The following SGCZ variants were observed in gnomAD, a reference collection of about 807,000 sequenced individuals.
The protein encoded by SGCZ is sarcoglycan zeta, also known as zeta-sarcoglycan.
In SGCZ, 40 loss-of-function variants were observed where a neutral mutation model predicts 41.3. That is an observed-to-expected ratio of 0.97 (90% CI 0.75 to 1.26). SGCZ has a LOEUF of 1.26. Ranked by LOEUF, SGCZ falls within the 50% of genes most tolerant of loss-of-function variation. The pLI is 0.00. For synonymous variants in SGCZ, 206 were observed against 137.5 expected, an observed-to-expected ratio of 1.50 and a Z score of -3.49; for missense variants, 552 against 369.8, an observed-to-expected ratio of 1.49 and a Z score of -4.04.
intron 1 of SGCZ, among the ~76,000 whole-genome samples, chr8:14,913,342 T>C (rs565532353): frequency 6.6e-6 from 1 of 152,084 alleles, no homozygotes; most frequent in African/African-American, 2.4e-5. Context: ...CAACACTGTC[T>C]TAATTGTGCT....
At position 14,727,559 on chromosome 8, in the gene SGCZ, A is replaced by G. The variant is rs149737497; in HGVS notation, c.40-172633T>C. On this transcript the variant is annotated intron_variant, in intron 1 of 7. Coordinates refer to ENST00000382080, the MANE Select transcript of SGCZ (RefSeq NM_139167.4). The stretch of plus-strand genomic sequence containing the variant: ...GGAGTCTCACTCTGTTGCCCAGGCT[A>G]GAGTGCAGTGGCCAGATCTGAGCTC... Among the ~76,000 whole-genome samples the G allele has an allele frequency of 3.5e-3, 534 of 150,592 alleles. 2 individuals carry two copies. Among genetic ancestry groups the G allele is most frequent in the Non-Finnish European group, 5.9e-3 (398 of 67,768 alleles).
At chr8:14,171,136 A>T (rs13260343) in intron 4 of SGCZ, among the ~76,000 whole-genome samples, 2 of 130,808 alleles carry the variant, frequency 1.5e-5, no homozygotes. Context: ...TTTATTTCTA[A>T]TATGTGTTTC....
chr8:14,359,985 A>G (rs1222921077), intron 2 of SGCZ, among the ~76,000 whole-genome samples: 1 of 152,194 alleles, frequency 6.6e-6, no homozygotes, highest in Non-Finnish European at 1.5e-5. Context: ...GTGATATATC[A>G]TATCAACAGA....
chr8:14,509,685 C>T (rs1309386284), intron 2 of SGCZ, among the ~76,000 whole-genome samples: 1 of 152,118 alleles, frequency 6.6e-6, no homozygotes, highest in Non-Finnish European at 1.5e-5. Context: ...TATTTGTCCA[C>T]TTTCACACTG....
At chr8:14,386,357 A>G (rs917882973) in intron 2 of SGCZ, among the ~76,000 whole-genome samples, 4 of 152,166 alleles carry the variant, frequency 2.6e-5, no homozygotes, top group Admixed American at 6.5e-5. Context: ...AGAAATACAC[A>G]TAAAACTGGT....
At position 14,090,902 on chromosome 8, in the gene SGCZ, C is replaced by G. The variant is rs62490766; in HGVS notation, c.745-265G>C. On this transcript the variant is annotated intron_variant, in intron 7 of 7. Coordinates refer to ENST00000382080, the MANE Select transcript of SGCZ (RefSeq NM_139167.4). ...ACATCATACAATACGCTTAAGGGGC[C>G]AACCCAGTTACTTAAACACCACAGA... Among the ~76,000 whole-genome samples, 239 of 152,108 alleles carry G rather than the reference C, an allele frequency of 1.6e-3. 3 individuals carry two copies. Among genetic ancestry groups the G allele is most frequent in the Admixed American group, 4.3e-3 (66 of 15,252 alleles).
chr8:14,783,424 A>T (rs2130441817), intron 1 of SGCZ, among the ~76,000 whole-genome samples: 1 of 151,368 alleles, frequency 6.6e-6, no homozygotes, highest in South Asian at 2.1e-4. Flanking sequence ...ACAGAAAGAG[A>T]TTTTGTCTCA....
intron 1 of SGCZ, among the ~76,000 whole-genome samples, chr8:14,564,621 G>T (rs1462913544): frequency 6.6e-6 from 1 of 152,142 alleles, no homozygotes; most frequent in Non-Finnish European, 1.5e-5. Flanking sequence ...CTACCCCTTA[G>T]CTAGTGATCC....
chr8:14,309,572 G>C, intron 3 of SGCZ: 1 of 1,610,786 alleles, frequency 6.2e-7, no homozygotes, highest in Non-Finnish European at 8.5e-7. Context: ...GGTATAACAA[G>C]GAAAGGTTAG....
intron 1 of SGCZ, among the ~76,000 whole-genome samples, chr8:14,876,064 C>T (rs923527622): frequency 2.0e-5 from 3 of 152,114 alleles, no homozygotes; most frequent in African/African-American, 2.4e-5. Flanking sequence ...CTATTCCCAT[C>T]CCCCTGTCTC....
chr8:15,156,333 C>G (rs17121054), intron 1 of SGCZ, among the ~76,000 whole-genome samples: 4,610 of 152,172 alleles, frequency 0.03, 165 homozygotes, highest in African/African-American at 0.084. Context: ...AATAAATTGT[C>G]ATTTAGGGTA....
rs562025621 is a variant in SGCZ, at chr8:15,011,830, A to G, written c.39+225755T>C. 5.3e-5 allele frequency among the ~76,000 whole-genome samples: 8 copies of G among 152,318 alleles called. No homozygotes were observed. In the East Asian group the frequency reaches 9.7e-4, roughly 18 times the overall value. The stretch of plus-strand genomic sequence containing the variant: ...TTGTACATAAAATTTGACAAAATTA[A>G]TTATATTGATGGTGGCTTTTAAAAT... On this transcript the variant is annotated intron_variant, in intron 1 of 7. Transcript: ENST00000382080.
intron 4 of SGCZ, among the ~76,000 whole-genome samples, chr8:14,170,189 C>T (rs1804335443): frequency 6.9e-6 from 1 of 144,640 alleles, no homozygotes; most frequent in Non-Finnish European, 1.5e-5. Flanking sequence ...TCTCCCCCCG[C>T]ACCGAATCCA....
intron 2 of SGCZ, among the ~76,000 whole-genome samples, chr8:14,551,525 A>ATATATATAT (rs1803837328): frequency 0.014 from 86 of 6,102 alleles, 4 homozygotes; most frequent in African/African-American, 0.057. Context: ...ATTATATATA[A>ATATATATAT]TATATATAAT....
At chr8:15,186,111 A>C (rs894245847) in intron 1 of SGCZ, among the ~76,000 whole-genome samples, 5 of 129,678 alleles carry the variant, frequency 3.9e-5, no homozygotes, top group Non-Finnish European at 8.6e-5. Context: ...TAAAAAAAAA[A>C]CTTAGCCGGG....
intron 1 of SGCZ, among the ~76,000 whole-genome samples, chr8:15,021,929 A>G (rs1803265673): frequency 6.6e-6 from 1 of 152,206 alleles, no homozygotes; most frequent in South Asian, 2.1e-4. Flanking sequence ...TCACACTATA[A>G]CTTTTCTAAG....
intron 1 of SGCZ, among the ~76,000 whole-genome samples, chr8:15,099,866 A>T (rs917723016): frequency 6.6e-6 from 1 of 152,192 alleles, no homozygotes; most frequent in Non-Finnish European, 1.5e-5. Flanking sequence ...GATCATATCA[A>T]TAAATGCAGA....
intron 1 of SGCZ, among the ~76,000 whole-genome samples, chr8:14,881,654 C>G (rs1003748865): frequency 6.6e-6 from 1 of 152,086 alleles, no homozygotes; most frequent in African/African-American, 2.4e-5. Flanking sequence ...ACCCCACTGA[C>G]AATATTAGAC....
rs886176085 is a variant in SGCZ, at chr8:14,086,123, A to G, written c.*4320T>C. 1.3e-5 allele frequency among the ~76,000 whole-genome samples: 2 copies of G among 151,760 alleles called. No individual in the cohort carries two copies. Among genetic ancestry groups the G allele is most frequent in the African/African-American group, 4.8e-5 (2 of 41,414 alleles). On this transcript the variant is annotated 3_prime_UTR_variant, in exon 8 of 8. Coordinates refer to ENST00000382080, the MANE Select transcript of SGCZ (RefSeq NM_139167.4). ...AAATAATTTCTCCATATGTCATTAAATATGATCACATGAACAACTCTTATT... is the reference window on the plus strand; with the variant it reads ...AAATAATTTCTCCATATGTCATTAAGTATGATCACATGAACAACTCTTATT...
Sources: allele counts gnomAD v4.1 joint callset (sites outside exome capture counted in the v4.1 genomes callset), GRCh38; gene constraint gnomAD v4.1.1; transcripts MANE v1.5; gene names NCBI Gene and HGNC (gene_info 2026-07-23, HGNC 2026-07-21).